Variants in ADGRG6 observed in about 807,000 individuals in gnomAD.
ADGRG6 encodes G-protein coupled receptor 126.
A neutral mutation model predicts 142.4 loss-of-function variants in ADGRG6; 84 were observed. The ratio of observed to expected loss-of-function variants is 0.59; its 90% CI spans 0.49 to 0.71. The LOEUF (loss-of-function observed/expected upper bound fraction) is 0.71, where lower values mean the gene tolerates loss of function less well. Ranked by LOEUF, ADGRG6 falls within the 30% of genes least tolerant of loss-of-function variation. ADGRG6 has a pLI of 0.00. For missense variants in ADGRG6, 1,367 were observed against 1,466.6 expected, an observed-to-expected ratio of 0.93 and a Z score of 1.11; for synonymous variants, 521 against 520.5, an observed-to-expected ratio of 1.00 and a Z score of -0.01.
chr6:142,371,572 G>T (rs1217999809), intron 4 of ADGRG6, among the ~76,000 whole-genome samples: 2 of 146,712 alleles, frequency 1.4e-5, no homozygotes, highest in South Asian at 2.1e-4. Context: ...TGCAAGCTCT[G>T]CCTCCCAGAT....
intron 21 of ADGRG6, among the ~76,000 whole-genome samples, chr6:142,418,110 C>G (rs918467931): frequency 2.0e-5 from 3 of 152,006 alleles, no homozygotes; most frequent in Non-Finnish European, 2.9e-5. Flanking sequence ...GCCTGGCCAA[C>G]ATGGCGAAAC....
intron 4 of ADGRG6, among the ~76,000 whole-genome samples, chr6:142,374,080 C>T (rs1414041085): frequency 6.6e-6 from 1 of 151,972 alleles, no homozygotes; most frequent in Non-Finnish European, 1.5e-5. Flanking sequence ...TGCCTCTGTG[C>T]TACAATGGCT....
At chr6:142,410,004 AC>A in intron 17 of ADGRG6, 85 bp downstream of exon 17, 1 of 563,728 alleles carries the variant, frequency 1.8e-6, no homozygotes, top group Non-Finnish European at 3.2e-6. Flanking sequence ...CTTTAATTCC[AC>A]CCCAAACCAG....
In ADGRG6 at chr6:142,319,909, A is replaced by G. The variant is rs530669710; in HGVS notation, c.103+10265A>G. Among the ~76,000 whole-genome samples the G allele has an allele frequency of 3.3e-5, 5 of 152,278 alleles. No homozygotes were observed. The South Asian group carries it at 1.0e-3, about 32-fold the overall frequency. On this transcript the variant is annotated intron_variant, in intron 2 of 24. Coordinates refer to ENST00000367609, the MANE Select transcript of ADGRG6 (RefSeq NM_198569.3). The stretch of plus-strand genomic sequence containing the variant: ...GATTTTGTATAAAATATAAACATTT[A>G]GTGCTGTAAGTAACAACTTACGTTT...
intron 2 of ADGRG6, among the ~76,000 whole-genome samples, chr6:142,326,332 A>G (rs1318097394): frequency 6.6e-6 from 1 of 151,952 alleles, no homozygotes; most frequent in Non-Finnish European, 1.5e-5. Flanking sequence ...ATTTTTCTTA[A>G]TAAGTGATTT....
chr6:142,345,309 C>T (rs140847840), intron 2 of ADGRG6, among the ~76,000 whole-genome samples: 65 of 152,144 alleles, frequency 4.3e-4, no homozygotes, highest in Non-Finnish European at 7.7e-4. Flanking sequence ...GAAAACATAT[C>T]GTAATATCTT....
intron 2 of ADGRG6, among the ~76,000 whole-genome samples, chr6:142,337,074 G>GT: frequency 6.6e-6 from 1 of 152,106 alleles, no homozygotes; most frequent in Non-Finnish European, 1.5e-5. Context: ...AACAGGGGCA[G>GT]TTTTTTCTCT....
At position 142,341,534 on chromosome 6, in the gene ADGRG6, T is replaced by C. The variant is rs1779639677; in HGVS notation, c.104-26035T>C. Reference sequence around the variant, plus strand: ...ATACTACATAATATTATATAGTATATATAGTATATAATATATAGTATATAT... The same window carrying C: ...ATACTACATAATATTATATAGTATACATAGTATATAATATATAGTATATAT... On this transcript the variant is annotated intron_variant, in intron 2 of 24. Coordinates refer to ENST00000367609, the MANE Select transcript of ADGRG6 (RefSeq NM_198569.3). Among the ~76,000 whole-genome samples, 4 of 120,720 alleles carry C rather than the reference T, an allele frequency of 3.3e-5. No homozygotes were observed. The South Asian group carries it at 8.8e-4, about 27-fold the overall frequency. The allele number at this position is 120,720 out of a possible 152,430, so 79.2% of individuals were successfully genotyped here. A position where few individuals can be genotyped will look rare whatever the true frequency, so the allele number is the denominator to read the frequency against.
chr6:142,366,113 A>G lies in ADGRG6; in HGVS notation c.104-1456A>G, dbSNP rs1051842509. Among the ~76,000 whole-genome samples the G allele has an allele frequency of 4.6e-5, 7 of 152,342 alleles. No individual in the cohort carries two copies. The South Asian group carries it at 1.0e-3, about 23-fold the overall frequency. On this transcript the variant is annotated intron_variant, in intron 2 of 24. Transcript: ENST00000367609. Reference sequence around the variant, plus strand: ...TGCAAAAGCATCTCTGGACAGGAAGATAGTAGACCTTGGTTTCTGATTCCA... The same window carrying G: ...TGCAAAAGCATCTCTGGACAGGAAGGTAGTAGACCTTGGTTTCTGATTCCA...
chr6:142,325,747 GA>G (rs1211568872), intron 2 of ADGRG6, among the ~76,000 whole-genome samples: 1 of 151,812 alleles, frequency 6.6e-6, no homozygotes, highest in Non-Finnish European at 1.5e-5. Flanking sequence ...AATATTTGTA[GA>G]TTTTTTTAAA....
At chr6:142,351,069 A>G (rs1356482693) in intron 2 of ADGRG6, among the ~76,000 whole-genome samples, 1 of 152,078 alleles carries the variant, frequency 6.6e-6, no homozygotes, top group Admixed American at 6.6e-5. Flanking sequence ...CCCCGTCTCT[A>G]CTAAAAAAGA....
Position 142,445,804 on chromosome 6 carries a change from T to G in ADGRG6, c.*2289T>G, listed in dbSNP as rs956819452. On this transcript the variant is annotated 3_prime_UTR_variant, in exon 25 of 25. Transcript: ENST00000367609. ...ATTTAGTTCAGCTTACCTTTGAGAA[T>G]AGCATCAATTCAGACTCTCTTTTCA... is the stretch of plus-strand genomic sequence containing the variant. 1 of 152,178 alleles carries G rather than the reference T, an allele frequency of 6.6e-6. No individual in the cohort carries two copies. The highest frequency in any genetic ancestry group is 1.5e-5 in the Non-Finnish European group (1 of 68,034). 9.4% of individuals were successfully genotyped at this position (152,178 alleles called of 1,614,324 possible).
At chr6:142,373,556 A>G (rs1305148359) in intron 4 of ADGRG6, among the ~76,000 whole-genome samples, 1 of 152,196 alleles carries the variant, frequency 6.6e-6, no homozygotes, top group African/African-American at 2.4e-5. Flanking sequence ...TTGTTTGTTT[A>G]GAGACGGGGT....
chr6:142,309,525 C>T lies in ADGRG6; in HGVS notation c.3-19C>T. On this transcript the variant is annotated intron_variant, in intron 1 of 24. Transcript: ENST00000367609. Reference sequence around the variant, plus strand: ...TACTGAATGTTGAATGTCCTAATTGCCATCTTCTTTCTTTGCAGGATGTTT... The same window carrying T: ...TACTGAATGTTGAATGTCCTAATTGTCATCTTCTTTCTTTGCAGGATGTTT... 6.4e-7 allele frequency: 1 copy of T among 1,563,414 alleles called. No homozygotes were observed. Among genetic ancestry groups the T allele is most frequent in the South Asian group, 1.1e-5 (1 of 87,474 alleles).
intron 10 of ADGRG6, among the ~76,000 whole-genome samples, chr6:142,399,610 T>C (rs1457051570): frequency 6.6e-6 from 1 of 152,226 alleles, no homozygotes; most frequent in Non-Finnish European, 1.5e-5. Context: ...TTATACCATT[T>C]AATTTAAATT....
chr6:142,431,469 C>G (rs1162170312), intron 22 of ADGRG6, among the ~76,000 whole-genome samples: 1 of 152,062 alleles, frequency 6.6e-6, no homozygotes, highest in African/African-American at 2.4e-5. Flanking sequence ...TCTTTTGGGC[C>G]ATTTTATTTC....
intron 2 of ADGRG6, among the ~76,000 whole-genome samples, chr6:142,313,928 T>C (rs1328063160): frequency 6.6e-6 from 1 of 152,144 alleles, no homozygotes; most frequent in Non-Finnish European, 1.5e-5. Flanking sequence ...TTACTAAGTG[T>C]GTCTTAAAGG....
rs139180983 is a variant in ADGRG6, at chr6:142,402,811, T to G, written c.1936T>G (p.Leu646Val). 1 of 1,578,996 alleles carries G rather than the reference T, an allele frequency of 6.3e-7. No homozygotes were observed. The highest frequency in any genetic ancestry group is 2.3e-5 in the East Asian group (1 of 44,418). The change falls in exon 13 of 25, where the codon TTG becomes GTG. Residue 646 changes from leucine to valine, a missense_variant. This residue lies in a region of ADGRG6 where 286 missense variants were observed against 371.4 expected (regional missense o/e 0.77). Transcript: ENST00000367609. ...TATCTTAAGCAGTTCAGACAGTGACTTGCTTGAGTCATCTTCTGAGTAAGT... is the reference window on the plus strand; with the variant it reads ...TATCTTAAGCAGTTCAGACAGTGACGTGCTTGAGTCATCTTCTGAGTAAGT... Reference protein sequence around the residue: ...SNILSSSDSDLLESSSEALKT... With the variant: ...SNILSSSDSDVLESSSEALKT...
intron 22 of ADGRG6, among the ~76,000 whole-genome samples, chr6:142,426,693 G>A (rs887023968): frequency 3.9e-5 from 6 of 152,154 alleles, no homozygotes; most frequent in Admixed American, 1.3e-4. Flanking sequence ...CTGCCCTAGC[G>A]GAGGTTCTCC....
Sources: gnomAD v4.1 joint callset for allele counts (sites outside exome capture counted in the v4.1 genomes callset) on GRCh38, gnomAD v4.1.1 for gene constraint, gnomAD v4.1.1 regional missense constraint, MANE v1.5 for transcripts, NCBI Gene and HGNC (gene_info 2026-07-23, HGNC 2026-07-21) for gene names.